PKHD1: variants seen among roughly 807,000 people sequenced by gnomAD.
The protein encoded by PKHD1 is PKHD1 ciliary IPT domain containing fibrocystin/polyductin, also known as fibrocystin.
PKHD1 carries 291 observed loss-of-function variants against 412.0 expected under a neutral mutation model. The ratio of observed to expected loss-of-function variants is 0.71; its 90% CI spans 0.64 to 0.78. PKHD1 has a LOEUF of 0.78. Ranked by LOEUF, PKHD1 falls within the 30% of genes least tolerant of loss-of-function variation. The probability of loss-of-function intolerance (pLI) is 0.00; values close to 1 mark genes in which losing one functional copy is unlikely to be tolerated. For synonymous variants in PKHD1, 1,777 were observed against 1,821.5 expected, an observed-to-expected ratio of 0.98 and a Z score of 0.62; for missense variants, 4,825 against 4,950.7, an observed-to-expected ratio of 0.97 and a Z score of 0.76.
chr6:51,961,621 T>C (rs1158176514), intron 35 of PKHD1, among the ~76,000 whole-genome samples: 1 of 152,086 alleles, frequency 6.6e-6, no homozygotes, highest in Non-Finnish European at 1.5e-5. Context: ...TACATTCTTA[T>C]AACCCTTTAA....
At chr6:51,747,695 A>G (rs1785389662) in intron 58 of PKHD1, 92 bp downstream of exon 58, 2 of 1,102,016 alleles carry the variant, frequency 1.8e-6, no homozygotes, top group African/African-American at 3.1e-5. Flanking sequence ...ACCACAATGT[A>G]CCTTTTTGTT....
chr6:52,024,313 A>G (rs1175050955), intron 32 of PKHD1, among the ~76,000 whole-genome samples: 2 of 152,254 alleles, frequency 1.3e-5, no homozygotes, highest in Non-Finnish European at 2.9e-5. Flanking sequence ...TTTAAAATAC[A>G]AATCCAGTTA....
chr6:51,719,404 A>G (rs1467007653), intron 60 of PKHD1, among the ~76,000 whole-genome samples: 2 of 152,104 alleles, frequency 1.3e-5, no homozygotes, highest in Non-Finnish European at 2.9e-5. Context: ...GACATTTTGT[A>G]CTGGATGATT....
At chr6:51,720,723 A>C (rs1781802153) in intron 60 of PKHD1, 1 of 149,780 alleles carries the variant, frequency 6.7e-6, no homozygotes, top group Non-Finnish European at 1.5e-5. Flanking sequence ...TTACCTATTT[A>C]TAATTATACA....
Position 52,016,873 on chromosome 6 carries a change from T to C in PKHD1, c.5600+537A>G, listed in dbSNP as rs572607371. 2.7e-3 allele frequency among the ~76,000 whole-genome samples: 404 copies of C among 152,318 alleles called. 5 individuals are homozygous for C. The highest frequency in any genetic ancestry group is 1.7e-3 in the Non-Finnish European group (114 of 68,026). ...GGGGGGTTAACTTGGAAAGTTGTGGTGTTTATTTGTCAGCCTCTTTTTTAA... is the reference window on the plus strand; with the variant it reads ...GGGGGGTTAACTTGGAAAGTTGTGGCGTTTATTTGTCAGCCTCTTTTTTAA... On this transcript the variant is annotated intron_variant, in intron 34 of 66. Transcript: ENST00000371117.
chr6:51,628,051 G>C (rs56319745), intron 65 of PKHD1, among the ~76,000 whole-genome samples: 5 of 152,202 alleles, frequency 3.3e-5, no homozygotes, highest in African/African-American at 9.6e-5. Context: ...ATAGTTATGG[G>C]TAGGAAATAG....
intron 42 of PKHD1, 105 bp from the exon 43 acceptor site, chr6:51,903,832 C>T (rs1200944994): frequency 2.1e-5 from 9 of 435,380 alleles, no homozygotes; most frequent in African/African-American, 2.0e-4. Flanking sequence ...TAATGCATTT[C>T]ATATATATAT....
Position 51,712,099 on chromosome 6 carries a change from C to T in PKHD1, c.10156+32286G>A, listed in dbSNP as rs372906570. ...ACCCAACTTCCTCCACAGAAAGGGC[C>T]TATTGCTTCTGACTCCACATAGACC... is the stretch of plus-strand genomic sequence containing the variant. On this transcript the variant is annotated intron_variant, in intron 60 of 66. Coordinates refer to ENST00000371117, the MANE Select transcript of PKHD1 (RefSeq NM_138694.4). Among the ~76,000 whole-genome samples, 6 of 152,302 alleles carry T rather than the reference C, an allele frequency of 3.9e-5. No homozygotes were observed. In the East Asian group the frequency reaches 5.8e-4, roughly 15 times the overall value.
intron 50 of PKHD1, among the ~76,000 whole-genome samples, chr6:51,838,211 A>G (rs1418100319): frequency 6.6e-6 from 1 of 152,228 alleles, no homozygotes; most frequent in East Asian, 1.9e-4. Flanking sequence ...ATAATTTAAG[A>G]TTTCATCAAT....
chr6:51,726,414 A>C (rs1562175594), intron 60 of PKHD1, among the ~76,000 whole-genome samples: 1 of 152,218 alleles, frequency 6.6e-6, no homozygotes, highest in Non-Finnish European at 1.5e-5. Flanking sequence ...AACTTGGGAC[A>C]AAAATGTCAA....
intron 63 of PKHD1, among the ~76,000 whole-genome samples, chr6:51,642,338 A>G (rs35375565): frequency 6.6e-6 from 1 of 152,166 alleles, no homozygotes; most frequent in Non-Finnish European, 1.5e-5. Flanking sequence ...AGTAAGTAAG[A>G]TATGGACTAT....
At chr6:51,910,223 C>T (rs994442632) in intron 39 of PKHD1, among the ~76,000 whole-genome samples, 1 of 152,112 alleles carries the variant, frequency 6.6e-6, no homozygotes, top group African/African-American at 2.4e-5. Flanking sequence ...TCTGTTGATA[C>T]ATGGCATTTG....
chr6:51,960,165 T>G lies in PKHD1; in HGVS notation c.5752-139A>C, dbSNP rs1335065018. The G allele has an allele frequency of 4.0e-6, 3 of 756,756 alleles. No homozygotes were observed. The Admixed American group carries it at 6.6e-5, about 17-fold the overall frequency. The allele number at this position is 756,756 out of a possible 1,614,324, so 46.9% of individuals were successfully genotyped here. On this transcript the variant is annotated intron_variant, in intron 35 of 66. Coordinates refer to ENST00000371117, the MANE Select transcript of PKHD1 (RefSeq NM_138694.4). ...GGATAGTATAAGTATTGAATCAAAATAGAAACTTCTCAAAGAAAGTAAAAT... is the reference window on the plus strand; with the variant it reads ...GGATAGTATAAGTATTGAATCAAAAGAGAAACTTCTCAAAGAAAGTAAAAT...
intron 60 of PKHD1, among the ~76,000 whole-genome samples, chr6:51,675,584 T>C (rs754006174): frequency 1.3e-5 from 2 of 152,188 alleles, no homozygotes; most frequent in Non-Finnish European, 2.9e-5. Context: ...AATCTGATTA[T>C]TTCCTCATGA....
At position 52,087,576 on chromosome 6, in the gene PKHD1, C is replaced by T. The variant is rs901484937; in HGVS notation, c.-227G>A. 1 of 152,220 alleles carries T rather than the reference C, an allele frequency of 6.6e-6. No individual in the cohort carries two copies. Among genetic ancestry groups the T allele is most frequent in the Non-Finnish European group, 1.5e-5 (1 of 68,046 alleles). The allele number at this position is 152,220 out of a possible 1,614,324, so 9.4% of individuals were successfully genotyped here. ...CTGCAGCCACCACGCAGGTAACTCA[C>T]TCACGTTAGACTATAACTCACCTAA... is the stretch of plus-strand genomic sequence containing the variant. On this transcript the variant is annotated 5_prime_UTR_variant, in exon 1 of 67. It adds an upstream start codon to the 5' untranslated region. Coordinates refer to ENST00000371117, the MANE Select transcript of PKHD1 (RefSeq NM_138694.4).
intron 60 of PKHD1, among the ~76,000 whole-genome samples, chr6:51,684,113 A>T (rs1042178035): frequency 2.0e-5 from 3 of 152,072 alleles, no homozygotes; most frequent in African/African-American, 7.2e-5. Flanking sequence ...TTCTTATTTT[A>T]TTTAATTATC....
At chr6:51,904,816 A>G (rs1009893129) in intron 41 of PKHD1, among the ~76,000 whole-genome samples, 55 of 152,320 alleles carry the variant, frequency 3.6e-4, no homozygotes, top group African/African-American at 1.2e-3. Flanking sequence ...TAATACTGTT[A>G]GGATACCTTT....
chr6:51,785,991 C>T (rs1186524411), intron 53 of PKHD1, among the ~76,000 whole-genome samples: 1 of 152,154 alleles, frequency 6.6e-6, no homozygotes. Flanking sequence ...ATAAAGTTTA[C>T]TGTATACTCA....
rs1401195910 is a variant in PKHD1, at chr6:52,079,940, C to T, written c.350G>A (p.Ser117Asn). The T allele has an allele frequency of 2.5e-6, 4 of 1,612,044 alleles. No homozygotes were observed. Among genetic ancestry groups the T allele is most frequent in the Admixed American group, 1.7e-5 (1 of 60,004 alleles). ...ATCTCGTGGTCCTGGATTTGGACTG[C>T]TTACCAGCTGTCCCCCGAAGTATGC... ...LEAYFGGQLV[S>N]SPNPGPRDSC... is the part of the protein sequence containing the mutation. The change falls in exon 5 of 67, where the codon AGC becomes AAC. Residue 117 changes from serine to asparagine, a missense_variant. By Grantham distance (46) the Ser-to-Asn change is conservative. Transcript: ENST00000371117.
Sources: allele counts gnomAD v4.1 joint callset (sites outside exome capture counted in the v4.1 genomes callset), GRCh38; gene constraint gnomAD v4.1.1; transcripts MANE v1.5; gene names NCBI Gene and HGNC (gene_info 2026-07-23, HGNC 2026-07-21).